UNC5A: variants seen among roughly 807,000 people sequenced by gnomAD.
UNC5A encodes unc-5 netrin receptor A, also known as netrin receptor UNC5A.
In UNC5A, 20 loss-of-function variants were observed where a neutral mutation model predicts 87.4. That is an observed-to-expected ratio of 0.23 (90% CI 0.16 to 0.33). The LOEUF is 0.33. Ranked by LOEUF, UNC5A falls within the 10% of genes least tolerant of loss-of-function variation. The probability of loss-of-function intolerance (pLI) is 1.00; values close to 1 mark genes in which losing one functional copy is unlikely to be tolerated. For missense variants in UNC5A, 844 were observed against 1,133.4 expected (o/e 0.74, Z 3.67); for synonymous variants, 438 against 482.3 (o/e 0.91, Z 1.20).
Position 176,865,531 on chromosome 5 carries a change from C to T in UNC5A, c.293-2599C>T, listed in dbSNP as rs1435780617. The T allele has an allele frequency of 2.2e-6, 1 of 454,046 alleles. No homozygotes were observed. The highest frequency in any genetic ancestry group is 1.6e-5 in the South Asian group (1 of 64,378). The allele number at this position is 454,046 out of a possible 1,614,324, so 28.1% of individuals were successfully genotyped here. On this transcript the variant is annotated intron_variant, in intron 2 of 14. Transcript: ENST00000329542. This position sits in a 1 kb window ranked among gnomAD's most constrained non-coding sequence, Gnocchi z 5.3. ...CGCCAGGGTCCTCTTCTGCCCCGAG[C>T]ATCCGACTCCAGCCTCCCATGGCCG...
chr5:176,880,140 G>T lies in UNC5A; in HGVS notation c.*254G>T. On this transcript the variant is annotated 3_prime_UTR_variant, in exon 15 of 15. Coordinates refer to ENST00000329542, the MANE Select transcript of UNC5A (RefSeq NM_133369.3). ...AGGAGGGACAGTGCCTGGAGCCTGGGCCAGGCCCAGCCCATCTGTGTGTGT... is the reference window on the plus strand; with the variant it reads ...AGGAGGGACAGTGCCTGGAGCCTGGTCCAGGCCCAGCCCATCTGTGTGTGT... The T allele has an allele frequency of 2.0e-6, 1 of 501,936 alleles. No individual in the cohort carries two copies. The allele number at this position is 501,936 out of a possible 1,614,324, so 31.1% of individuals were successfully genotyped here. A position where few individuals can be genotyped will look rare whatever the true frequency, so the allele number is the denominator to read the frequency against.
At chr5:176,868,318 G>A in intron 3 of UNC5A, 45 bp downstream of exon 3, 1 of 1,609,262 alleles carries the variant, frequency 6.2e-7, no homozygotes, top group Non-Finnish European at 8.5e-7. Context: ...CGGCGGGAGG[G>A]TGTCACCAGG....
intron 1 of UNC5A, among the ~76,000 whole-genome samples, chr5:176,839,703 G>A (rs564446630): frequency 7.9e-5 from 12 of 152,160 alleles, no homozygotes; most frequent in South Asian, 2.1e-4. Flanking sequence ...GAGTGGAGGC[G>A]CTCTGGGGAG....
chr5:176,817,990 GT>G (rs1396325110), intron 1 of UNC5A, among the ~76,000 whole-genome samples: 5 of 152,052 alleles, frequency 3.3e-5, no homozygotes, highest in Non-Finnish European at 7.4e-5. Flanking sequence ...TTCGGGGCCT[GT>G]TAACAAGTTC....
chr5:176,820,767 G>A (rs1373991602), intron 1 of UNC5A, among the ~76,000 whole-genome samples: 1 of 152,178 alleles, frequency 6.6e-6, no homozygotes, highest in Non-Finnish European at 1.5e-5. Flanking sequence ...TGTTTGTTAG[G>A]TTTTGTATCT....
intron 1 of UNC5A, among the ~76,000 whole-genome samples, chr5:176,856,858 C>A (rs1252852340): frequency 6.6e-6 from 1 of 152,138 alleles, no homozygotes; most frequent in Non-Finnish European, 1.5e-5. Context: ...AATGAAATCC[C>A]AACTCCTGAC....
rs181053398 is a variant in UNC5A, at chr5:176,838,156, T to C, written c.71-24468T>C. Among the ~76,000 whole-genome samples, 293 of 152,248 alleles carry C rather than the reference T, an allele frequency of 1.9e-3. 1 individual carries two copies. The highest frequency in any genetic ancestry group is 6.5e-3 in the African/African-American group (272 of 41,548). ...CCTGCAGGTCATGAAGTGTGAACAA[T>C]TTATTATTTCTTGCAAACCTGATTC... On this transcript the variant is annotated intron_variant, in intron 1 of 14. Transcript: ENST00000329542. The surrounding 1 kb of genome is among the most constrained non-coding windows in gnomAD (Gnocchi z 4.2).
intron 1 of UNC5A, among the ~76,000 whole-genome samples, chr5:176,849,622 A>AT (rs1296078616): frequency 1.3e-5 from 2 of 152,168 alleles, no homozygotes; most frequent in Non-Finnish European, 2.9e-5. Flanking sequence ...GCCCCCTTGG[A>AT]TGGACACTGT....
chr5:176,864,751 C>T, intron 2 of UNC5A: 2 of 446,398 alleles, frequency 4.5e-6, no homozygotes, highest in South Asian at 3.2e-5. Context: ...CTGTGCCATG[C>T]CTTGGGTTAG....
intron 1 of UNC5A, among the ~76,000 whole-genome samples, chr5:176,811,577 C>G (rs1184605265): frequency 6.8e-6 from 1 of 146,572 alleles, no homozygotes; most frequent in Non-Finnish European, 1.5e-5. Context: ...ACTGCTAACT[C>G]AGCCCTCAGC....
Position 176,866,045 on chromosome 5 carries a change from T to C in UNC5A, c.293-2085T>C, listed in dbSNP as rs1451398928. Among the ~76,000 whole-genome samples the C allele has an allele frequency of 6.6e-6, 1 of 152,216 alleles. No homozygotes were observed. Among genetic ancestry groups the C allele is most frequent in the Non-Finnish European group, 1.5e-5 (1 of 68,020 alleles). On this transcript the variant is annotated intron_variant, in intron 2 of 14. Coordinates refer to ENST00000329542, the MANE Select transcript of UNC5A (RefSeq NM_133369.3). The surrounding 1 kb of genome is among the most constrained non-coding windows in gnomAD (Gnocchi z 5.0). ...GAAGGTGAGAACCGAAGTGCCAGCTTGGCCTCAGAGCCCCAGCTAGAAACC... is the reference window on the plus strand; with the variant it reads ...GAAGGTGAGAACCGAAGTGCCAGCTCGGCCTCAGAGCCCCAGCTAGAAACC...
intron 2 of UNC5A, among the ~76,000 whole-genome samples, chr5:176,867,928 CG>C (rs1340687769): frequency 6.6e-6 from 1 of 151,966 alleles, no homozygotes; most frequent in Admixed American, 6.5e-5. Context: ...AGAAATCAAG[CG>C]GCCCTTGGGC....
intron 1 of UNC5A, among the ~76,000 whole-genome samples, chr5:176,812,995 G>T (rs537625493): frequency 6.6e-6 from 1 of 152,216 alleles, no homozygotes; most frequent in African/African-American, 2.4e-5. Flanking sequence ...GATGGCCAGC[G>T]GGCAGCAGGG....
rs1056975417 is a variant in UNC5A, at chr5:176,844,987, C to T, written c.71-17637C>T. 3.9e-5 allele frequency among the ~76,000 whole-genome samples: 6 copies of T among 152,164 alleles called. No homozygotes were observed. Among genetic ancestry groups the T allele is most frequent in the African/African-American group, 1.4e-4 (6 of 41,430 alleles). ...CAGAGGGCGGTGGTCTTGCCCTCCC[C>T]TGAGAGTGAGCAGTAGGCCAAGGTT... is the stretch of plus-strand genomic sequence containing the variant. On this transcript the variant is annotated intron_variant, in intron 1 of 14. Coordinates refer to ENST00000329542, the MANE Select transcript of UNC5A (RefSeq NM_133369.3). This position sits in a 1 kb window ranked among gnomAD's most constrained non-coding sequence, Gnocchi z 4.2.
intron 2 of UNC5A, among the ~76,000 whole-genome samples, chr5:176,863,749 TCC>T (rs1757900332): frequency 1.0e-4 from 4 of 38,984 alleles, no homozygotes; most frequent in African/African-American, 4.3e-4. Flanking sequence ...CTCCCTCTCC[TCC>T]TCCCTCCCCT....
rs995465011 is a variant in UNC5A, at chr5:176,868,669, G to A, written c.540+5G>A. On this transcript the variant is annotated splice_donor_5th_base_variant and intron_variant, in intron 4 of 14. Transcript: ENST00000329542. Reference sequence around the variant, plus strand: ...GAGGGCATCCCTCCAGCCGAGGTGAGGGCTCCTCTAGTGCCCACGTCTGGA... The same window carrying A: ...GAGGGCATCCCTCCAGCCGAGGTGAAGGCTCCTCTAGTGCCCACGTCTGGA... The A allele has an allele frequency of 2.5e-6, 4 of 1,603,744 alleles. No individual in the cohort carries two copies. The highest frequency in any genetic ancestry group is 3.4e-6 in the Non-Finnish European group (4 of 1,174,962).
intron 1 of UNC5A, among the ~76,000 whole-genome samples, chr5:176,842,862 T>A (rs1757309050): frequency 1.3e-5 from 2 of 149,482 alleles, no homozygotes; most frequent in Non-Finnish European, 3.0e-5. Flanking sequence ...ATAATTTTTA[T>A]TTTTTTTTTA....
intron 1 of UNC5A, among the ~76,000 whole-genome samples, chr5:176,830,413 G>T (rs1253711820): frequency 1.3e-5 from 2 of 148,984 alleles, no homozygotes; most frequent in Non-Finnish European, 3.0e-5. Context: ...GTGTGCCAGT[G>T]CGTGTGTGTG....
Position 176,878,651 on chromosome 5 carries a change from G to GC in UNC5A, c.2184+12_2184+13insC. ...TCAACATCACCAAGGTGGACGGGAG[G>GC]GGCTGCCGCACCGCCGTGACGTGCT... On this transcript the variant is annotated intron_variant, in intron 13 of 14. Coordinates refer to ENST00000329542, the MANE Select transcript of UNC5A (RefSeq NM_133369.3). The GC allele has an allele frequency of 6.2e-7, 1 of 1,607,328 alleles. No homozygotes were observed. Among genetic ancestry groups the GC allele is most frequent in the Non-Finnish European group, 8.5e-7 (1 of 1,176,072 alleles).
Sources: gnomAD v4.1 joint callset for allele counts (sites outside exome capture counted in the v4.1 genomes callset) on GRCh38, gnomAD v4.1.1 for gene constraint, Gnocchi (gnomAD v3.1) non-coding constraint, MANE v1.5 for transcripts, NCBI Gene and HGNC (gene_info 2026-07-23, HGNC 2026-07-21) for gene names.